Variants in PCDHA9 observed in about 807,000 individuals in gnomAD.
PCDHA9 encodes the protein protocadherin alpha-9.
Under a neutral mutation model 62.0 loss-of-function variants are expected in PCDHA9, and 62 were observed. The ratio of observed to expected loss-of-function variants is 1.00; its 90% confidence interval spans 0.81 to 1.23. The LOEUF (loss-of-function observed/expected upper bound fraction) is 1.23, where lower values mean the gene tolerates loss of function less well. Among genes scored for constraint, PCDHA9 ranks in the 50% most tolerant of loss-of-function variants. The pLI is 0.00. For missense variants in PCDHA9, 1,205 were observed against 1,249.8 expected, an observed-to-expected ratio of 0.96 and a Z score of 0.54; for synonymous variants, 557 against 567.6, an observed-to-expected ratio of 0.98 and a Z score of 0.27.
intron 1 of PCDHA9, chr5:140,856,749 C>A (rs146132566): frequency 1.3e-6 from 2 of 1,595,860 alleles, no homozygotes; most frequent in East Asian, 2.2e-5. Context: ...GTGTTAGATG[C>A]CAATGATAAC....
At chr5:140,994,631 G>A (rs978359081) in intron 3 of PCDHA9, among the ~76,000 whole-genome samples, 1 of 152,106 alleles carries the variant, frequency 6.6e-6, no homozygotes, top group Non-Finnish European at 1.5e-5. Flanking sequence ...CTTGAACCTG[G>A]AAGGTGGAGG....
chr5:140,961,222 T>C (rs1335870319), intron 1 of PCDHA9, among the ~76,000 whole-genome samples: 1 of 152,118 alleles, frequency 6.6e-6, no homozygotes, highest in East Asian at 1.9e-4. Flanking sequence ...AGAAACTGGG[T>C]CCCAAAAAGG....
chr5:141,003,254 G>A (rs782245010), intron 3 of PCDHA9, among the ~76,000 whole-genome samples: 17 of 152,190 alleles, frequency 1.1e-4, no homozygotes, highest in Non-Finnish European at 2.1e-4. Flanking sequence ...AAGATTCCTG[G>A]GCAGTGCCTA....
At chr5:140,919,982 G>GA (rs35005979) in intron 1 of PCDHA9, among the ~76,000 whole-genome samples, 49,705 of 152,056 alleles carry the variant, frequency 0.33, 8,403 homozygotes, top group East Asian at 0.53. Flanking sequence ...GATAGAAGAT[G>GA]GAAAACAGAC....
chr5:140,852,133 A>G, intron 1 of PCDHA9: 1 of 888,968 alleles, frequency 1.1e-6, no homozygotes, highest in Non-Finnish European at 1.4e-6. Context: ...AAAACTCAGT[A>G]GAGAAAGATC....
chr5:140,876,841 CA>C, intron 1 of PCDHA9: 1 of 1,614,130 alleles, frequency 6.2e-7, no homozygotes, highest in South Asian at 1.1e-5. Flanking sequence ...TGCGTTCGCG[CA>C]GCCCGAGTAC....
chr5:141,002,873 G>C (rs780574639), intron 3 of PCDHA9, among the ~76,000 whole-genome samples: 44 of 152,148 alleles, frequency 2.9e-4, no homozygotes, highest in Admixed American at 2.6e-4. Context: ...AAGTCCTCAA[G>C]AACAGAAAGA....
At position 140,870,217 on chromosome 5, in the gene PCDHA9, A is replaced by G. The variant is rs911086777; in HGVS notation, c.2394+19328A>G. On this transcript the variant is annotated intron_variant, in intron 1 of 3. Coordinates refer to ENST00000532602, the MANE Select transcript of PCDHA9 (RefSeq NM_031857.2). ...GCCCAGCACGGTCATTGCCCTGATC[A>G]GCGTGTCTGACCGTGACTCAGGTGT... The G allele has an allele frequency of 5.6e-6, 9 of 1,614,144 alleles. No individual in the cohort carries two copies. The highest frequency in any genetic ancestry group is 3.3e-5 in the Admixed American group (2 of 60,034).
At chr5:140,857,532 AGCGGCG>A (rs1230491450) in intron 1 of PCDHA9, 2 of 1,597,258 alleles carry the variant, frequency 1.3e-6, no homozygotes, top group African/African-American at 2.7e-5. Flanking sequence ...TCTCTGGTGG[AGCGGCG>A]GTTGGGCGAG....
At chr5:140,997,116 C>A (rs1554255739) in intron 3 of PCDHA9, among the ~76,000 whole-genome samples, 1 of 152,054 alleles carries the variant, frequency 6.6e-6, no homozygotes, top group Non-Finnish European at 1.5e-5. Context: ...CCTGCTCTCC[C>A]ACATACACAA....
Position 140,850,638 on chromosome 5 carries a change from C to T in PCDHA9, c.2143C>T (p.Leu715=), listed in dbSNP as rs2150491842. 1.9e-6 allele frequency: 3 copies of T among 1,598,668 alleles called. No individual in the cohort carries two copies. The highest frequency in any genetic ancestry group is 2.6e-6 in the Non-Finnish European group (3 of 1,167,886). Residue 715 remains leucine, a synonymous_variant, in exon 1 of 4, where the codon CTG becomes TTG. Transcript: ENST00000532602. The part of the protein sequence containing the change: ...CAVSSLLVLT[L]LLYTVLRCSA... Reference sequence around the variant, plus strand: ...GGTGTCTAGCCTGTTGGTTCTCACGCTGCTGCTGTACACTGTGCTGCGGTG... The same window carrying T: ...GGTGTCTAGCCTGTTGGTTCTCACGTTGCTGCTGTACACTGTGCTGCGGTG...
At chr5:140,923,584 T>C (rs2081432624) in intron 1 of PCDHA9, among the ~76,000 whole-genome samples, 1 of 152,172 alleles carries the variant, frequency 6.6e-6, no homozygotes, top group South Asian at 2.1e-4. Context: ...AGAGAAGGTT[T>C]GTTAATTCAT....
At chr5:140,926,704 T>A in intron 1 of PCDHA9, 1 of 842,670 alleles carries the variant, frequency 1.2e-6, no homozygotes, top group Non-Finnish European at 1.7e-6. Context: ...GGCTCCCAGC[T>A]GGCCAGCCCC....
intron 1 of PCDHA9, chr5:140,929,578 TA>T: frequency 2.2e-6 from 1 of 445,404 alleles, no homozygotes; most frequent in Non-Finnish European, 4.0e-6. Flanking sequence ...ATAAAAGTAA[TA>T]TGACATAAAG....
intron 1 of PCDHA9, chr5:140,868,213 A>G (rs1296985055): frequency 6.6e-6 from 1 of 152,200 alleles, no homozygotes; most frequent in Non-Finnish European, 1.5e-5. Flanking sequence ...GAAATAATAT[A>G]TGTCAAATAA....
chr5:140,870,549 C>G, intron 1 of PCDHA9: 1 of 1,614,064 alleles, frequency 6.2e-7, no homozygotes, highest in Middle Eastern at 1.7e-4. Context: ...GGGACGCGGA[C>G]GCGCAGGAGA....
chr5:140,985,533 G>T (rs2097156708), intron 3 of PCDHA9, among the ~76,000 whole-genome samples: 1 of 152,082 alleles, frequency 6.6e-6, no homozygotes, highest in Admixed American at 6.6e-5. Context: ...AAGCTTCACG[G>T]TGAAGATGCA....
chr5:140,946,611 A>AATAT (rs1554217734), intron 1 of PCDHA9, among the ~76,000 whole-genome samples: 1,089 of 86,784 alleles, frequency 0.013, 135 homozygotes, highest in African/African-American at 0.062. Flanking sequence ...GAAAATGTGA[A>AATAT]ATATATATAT....
At chr5:140,888,557 T>G (rs2153424359) in intron 1 of PCDHA9, among the ~76,000 whole-genome samples, 1 of 152,366 alleles carries the variant, frequency 6.6e-6, no homozygotes, top group East Asian at 1.9e-4. Flanking sequence ...TTTATTCCTT[T>G]CAAGGCTTCA....
Sources: allele counts gnomAD v4.1 joint callset (sites outside exome capture counted in the v4.1 genomes callset), GRCh38; gene constraint gnomAD v4.1.1; transcripts MANE v1.5; gene names NCBI Gene and HGNC (gene_info 2026-07-23, HGNC 2026-07-21).